Variants in VWF observed in about 807,000 individuals in gnomAD.
The protein encoded by VWF is von Willebrand factor, also known as Factor VIII related antigen.
Under a neutral mutation model 308.6 loss-of-function variants are expected in VWF, and 176 were observed. That is an observed-to-expected ratio of 0.57 (90% CI 0.50 to 0.65). The LOEUF (loss-of-function observed/expected upper bound fraction) is 0.65, where lower values mean the gene tolerates loss of function less well. Among genes scored for constraint, VWF ranks in the 30% least tolerant of loss-of-function variants. The probability of loss-of-function intolerance (pLI) is 0.00; values close to 1 mark genes in which losing one functional copy is unlikely to be tolerated. For synonymous variants in VWF, 1,385 were observed against 1,443.4 expected, an observed-to-expected ratio of 0.96 and a Z score of 0.92; for missense variants, 3,146 against 3,648.2, an observed-to-expected ratio of 0.86 and a Z score of 3.55.
intron 5 of VWF, among the ~76,000 whole-genome samples, chr12:6,102,179 C>A (rs1233736798): frequency 6.6e-6 from 1 of 152,168 alleles, no homozygotes; most frequent in East Asian, 1.9e-4. Context: ...AGGTGGCTCA[C>A]ACCTGTAATC....
In VWF at chr12:6,060,507, C is replaced by T. The variant is rs1944643205; in HGVS notation, c.1533+2447G>A. ...TATTCTGAGGCTCCCCACCTCCTGC[C>T]CCAACTCAAACACCCCCTTTCCTGC... is the stretch of plus-strand genomic sequence containing the variant. On this transcript the variant is annotated intron_variant, in intron 13 of 51. Transcript: ENST00000261405. This position sits in a 1 kb window ranked among gnomAD's most constrained non-coding sequence, Gnocchi z 5.1. 6.6e-6 allele frequency among the ~76,000 whole-genome samples: 1 copy of T among 152,136 alleles called. No individual in the cohort carries two copies. Among genetic ancestry groups the T allele is most frequent in the African/African-American group, 2.4e-5 (1 of 41,426 alleles).
intron 10 of VWF, among the ~76,000 whole-genome samples, chr12:6,069,213 G>C (rs1944755602): frequency 6.6e-6 from 1 of 152,054 alleles, no homozygotes; most frequent in Non-Finnish European, 1.5e-5. Flanking sequence ...CCTATGAAGT[G>C]CTCATTATTA....
intron 43 of VWF, 94 bp downstream of exon 43, chr12:5,976,015 CAA>C: frequency 7.6e-7 from 1 of 1,314,490 alleles, no homozygotes; most frequent in South Asian, 1.3e-5. Context: ...GTCTCCATTT[CAA>C]AAAAAAAAGA....
intron 51 of VWF, 91 bp from the exon 52 acceptor site, chr12:5,949,294 C>T: frequency 7.3e-7 from 1 of 1,370,350 alleles, no homozygotes; most frequent in Non-Finnish European, 1.0e-6. Flanking sequence ...TCTCCCTGAC[C>T]CCCTCCAAGC....
intron 34 of VWF, among the ~76,000 whole-genome samples, chr12:6,009,632 C>T (rs1251744264): frequency 6.6e-6 from 1 of 152,144 alleles, no homozygotes; most frequent in Non-Finnish European, 1.5e-5. Flanking sequence ...GGGTATTCAT[C>T]CAAAAGCATT....
At position 6,075,351 on chromosome 12, in the gene VWF, G is replaced by T; in HGVS notation, c.858C>A (p.Thr286=). The change falls in exon 7 of 52, where the codon ACC becomes ACA. Residue 286 remains threonine (T), a synonymous_variant. Transcript: ENST00000261405. This position sits in a 1 kb window ranked among gnomAD's most constrained non-coding sequence, Gnocchi z 4.7. ...CCGACTTACTGCACGCGCTGTGGTC[G>T]GTCCAGCCGTACAGCACCATTCCCT... is the stretch of plus-strand genomic sequence containing the variant. The part of the protein sequence containing the change: ...AQEGMVLYGW[T]DHSACSPVCP... The T allele has an allele frequency of 1.9e-6, 3 of 1,614,002 alleles. No individual in the cohort carries two copies. The highest frequency in any genetic ancestry group is 2.5e-6 in the Non-Finnish European group (3 of 1,180,026).
chr12:6,092,438 G>A (rs1366328767), intron 6 of VWF, among the ~76,000 whole-genome samples: 1 of 151,888 alleles, frequency 6.6e-6, no homozygotes, highest in Non-Finnish European at 1.5e-5. Context: ...TGCCTCCCAG[G>A]TTCAAGCCAT....
chr12:6,101,961 C>G (rs1048978773), intron 5 of VWF, among the ~76,000 whole-genome samples: 1 of 151,496 alleles, frequency 6.6e-6, no homozygotes, highest in Non-Finnish European at 1.5e-5. Context: ...GCTTTTGGGT[C>G]ATGTCCAAAT....
rs563772605 is a variant in VWF at position 6,117,631 on chromosome 12, C to A, written c.220+3543G>T. ...GGGAGTTCGAGACCAGCCTGACCAA[C>A]ATGGAGAAACCCCGTCTCTACTAAA... On this transcript the variant is annotated intron_variant, in intron 3 of 51. Coordinates refer to ENST00000261405, the MANE Select transcript of VWF (RefSeq NM_000552.5). Among the ~76,000 whole-genome samples, 31 of 152,316 alleles carry A rather than the reference C, an allele frequency of 2.0e-4. No homozygotes were observed. The East Asian group carries it at 6.0e-3, about 29-fold the overall frequency.
At chr12:6,118,974 C>G (rs1468302124) in intron 3 of VWF, among the ~76,000 whole-genome samples, 1 of 152,238 alleles carries the variant, frequency 6.6e-6, no homozygotes, top group African/African-American at 2.4e-5. Context: ...ATTTGTCATG[C>G]CCTGGGGCGC....
intron 49 of VWF, 39 bp from the exon 50 acceptor site, chr12:5,951,922 T>C: frequency 1.2e-6 from 2 of 1,611,744 alleles, no homozygotes; most frequent in East Asian, 2.2e-5. Flanking sequence ...GCACAAACAG[T>C]ACAGAGTAGA....
chr12:6,058,115 A>G lies in VWF; in HGVS notation c.1534-71T>C. 1 of 1,508,840 alleles carries G rather than the reference A, an allele frequency of 6.6e-7. No individual in the cohort carries two copies. The highest frequency in any genetic ancestry group is 9.0e-7 in the Non-Finnish European group (1 of 1,113,740). The allele number at this position is 1,508,840 out of a possible 1,614,324, so 93.5% of individuals were successfully genotyped here. ...GCGGCATAGTTGTTTAGCTAATGAG[A>G]TGGTTTTAATAAAAAAAAAAAAGTT... is the stretch of plus-strand genomic sequence containing the variant. On this transcript the variant is annotated intron_variant, in intron 13 of 51. Coordinates refer to ENST00000261405, the MANE Select transcript of VWF (RefSeq NM_000552.5). This position sits in a 1 kb window ranked among gnomAD's most constrained non-coding sequence, Gnocchi z 4.9.
chr12:6,067,225 A>G (rs1944726564), intron 10 of VWF, among the ~76,000 whole-genome samples: 1 of 152,108 alleles, frequency 6.6e-6, no homozygotes, highest in African/African-American at 2.4e-5. Context: ...TGAACTGACC[A>G]TTTTTCAGAA....
chr12:6,028,885 G>T (rs936910795), intron 22 of VWF, among the ~76,000 whole-genome samples: 1 of 152,168 alleles, frequency 6.6e-6, no homozygotes, highest in African/African-American at 2.4e-5. Flanking sequence ...ACATCATAAT[G>T]ACAGGATCAA....
chr12:6,066,979 C>G (rs751993275), intron 10 of VWF, among the ~76,000 whole-genome samples: 21 of 152,194 alleles, frequency 1.4e-4, no homozygotes, highest in Admixed American at 6.5e-5. Flanking sequence ...CCTTCCAGGA[C>G]AGCATGGGTC....
At chr12:6,118,684 T>C (rs535806873) in intron 3 of VWF, among the ~76,000 whole-genome samples, 1 of 152,140 alleles carries the variant, frequency 6.6e-6, no homozygotes, top group East Asian at 1.9e-4. Flanking sequence ...ATTGCACCCG[T>C]GCACCCGGCC....
At chr12:6,117,888 A>G (rs1450501261) in intron 3 of VWF, among the ~76,000 whole-genome samples, 2 of 152,204 alleles carry the variant, frequency 1.3e-5, no homozygotes, top group African/African-American at 2.4e-5. Flanking sequence ...GAAGAGGGAG[A>G]GCAGAGGAGA....
At chr12:6,051,966 AG>A (rs1217112560) in intron 16 of VWF, among the ~76,000 whole-genome samples, 34 of 152,336 alleles carry the variant, frequency 2.2e-4, no homozygotes, top group African/African-American at 7.9e-4. Flanking sequence ...AACAGGTGAC[AG>A]GTAAGTGTTT....
rs370287532 is a variant in VWF, at chr12:6,023,820, T to C, written c.3223-33A>G. On this transcript the variant is annotated intron_variant, in intron 24 of 51. Coordinates refer to ENST00000261405, the MANE Select transcript of VWF (RefSeq NM_000552.5). ...GGCAGCCTCAGGTGGCCCAGGCCTA[T>C]GGCCAGGTGTCAGGAACTCTGGCTC... is the stretch of plus-strand genomic sequence containing the variant. 31 of 1,608,364 alleles carry C rather than the reference T, an allele frequency of 1.9e-5. No individual in the cohort carries two copies. In the African/African-American group the frequency reaches 2.0e-4, roughly 10 times the overall value.
Sources: allele counts gnomAD v4.1 joint callset (sites outside exome capture counted in the v4.1 genomes callset), GRCh38; gene constraint gnomAD v4.1.1; non-coding constraint Gnocchi (gnomAD v3.1); transcripts MANE v1.5; gene names NCBI Gene and HGNC (gene_info 2026-07-23, HGNC 2026-07-21).